DESI2: variants seen among roughly 807,000 people sequenced by gnomAD.
DESI2 encodes the protein desumoylating isopeptidase 2.
DESI2 carries 10 observed loss-of-function variants against 24.1 expected under a neutral mutation model. That is an observed-to-expected ratio of 0.41 (90% CI 0.26 to 0.70). The LOEUF (loss-of-function observed/expected upper bound fraction) is 0.70. Among genes scored for constraint, DESI2 ranks in the 30% least tolerant of loss-of-function variants. DESI2 has a pLI of 0.29. For synonymous variants in DESI2, 71 were observed against 87.7 expected (o/e 0.81, Z 1.06); for missense variants, 122 against 234.9 (o/e 0.52, Z 3.14).
intron 1 of DESI2, among the ~76,000 whole-genome samples, chr1:244,681,003 A>G (rs536202186): frequency 7.3e-5 from 11 of 150,410 alleles, no homozygotes; most frequent in African/African-American, 2.7e-4. Context: ...CTTTTTATTC[A>G]ATATGCTATA....
At chr1:244,653,630 T>C in intron 1 of DESI2, 1 of 518,712 alleles carries the variant, frequency 1.9e-6, no homozygotes. Context: ...ACCCCGGCTC[T>C]GGGCCCGACC....
At position 244,660,589 on chromosome 1, in the gene DESI2, G is replaced by A. The variant is rs555155899; in HGVS notation, c.42+7234G>A. ...ATGTCAGCCAGTTGGTTCATAAAAT[G>A]TAAAGTGAGAAACTGCCAAAATAAT... On this transcript the variant is annotated intron_variant, in intron 1 of 4. Transcript: ENST00000302550. Among the ~76,000 whole-genome samples the A allele has an allele frequency of 7.2e-5, 11 of 152,324 alleles. No individual in the cohort carries two copies. The South Asian group carries it at 8.3e-4, about 11-fold the overall frequency.
At position 244,680,432 on chromosome 1, in the gene DESI2, A is replaced by G. The variant is rs188287234; in HGVS notation, c.43-6165A>G. ...GCAACAGAGCCAAACCCTGTCTCAA[A>G]AAAAAAAAAAGACCAGGCCAGTTTT... is the stretch of plus-strand genomic sequence containing the variant. On this transcript the variant is annotated intron_variant, in intron 1 of 4. Coordinates refer to ENST00000302550, the MANE Select transcript of DESI2 (RefSeq NM_016076.5). 1.5e-3 allele frequency among the ~76,000 whole-genome samples: 229 copies of G among 151,674 alleles called. 1 individual carries two copies. Among genetic ancestry groups the G allele is most frequent in the Admixed American group, 0.013 (203 of 15,224 alleles).
At chr1:244,669,338 C>T (rs1183389049) in intron 1 of DESI2, among the ~76,000 whole-genome samples, 7 of 151,544 alleles carry the variant, frequency 4.6e-5, no homozygotes, top group African/African-American at 1.7e-4. Context: ...TTACTTTCTT[C>T]TTTTCAGAAT....
intron 4 of DESI2, among the ~76,000 whole-genome samples, chr1:244,700,325 A>G (rs1419747893): frequency 6.6e-6 from 1 of 152,180 alleles, no homozygotes; most frequent in East Asian, 1.9e-4. Flanking sequence ...AAAATTTAGC[A>G]TCGTGAATAT....
rs1675523047 is a variant in DESI2 at position 244,653,262 on chromosome 1, C to T, written c.-52C>T. 4.8e-6 allele frequency: 7 copies of T among 1,460,564 alleles called. No individual in the cohort carries two copies. The highest frequency in any genetic ancestry group is 6.3e-6 in the Non-Finnish European group (7 of 1,107,954). The allele number at this position is 1,460,564 out of a possible 1,614,324, so 90.5% of individuals were successfully genotyped here. ...CCGCGGGGGTGAGAGCGGCCTCCGG[C>T]CCCGCGGAGACGGAGCGGCTTGAGG... On this transcript the variant is annotated 5_prime_UTR_variant, in exon 1 of 5. Transcript: ENST00000302550.
chr1:244,685,330 A>G (rs905589756), intron 1 of DESI2, among the ~76,000 whole-genome samples: 2 of 152,106 alleles, frequency 1.3e-5, no homozygotes, highest in Non-Finnish European at 2.9e-5. Context: ...TGCATAATCA[A>G]TTTTGTCAAC....
intron 1 of DESI2, among the ~76,000 whole-genome samples, chr1:244,683,537 T>G (rs1676703085): frequency 6.6e-6 from 1 of 152,136 alleles, no homozygotes; most frequent in African/African-American, 2.4e-5. Context: ...GGTCTTGATC[T>G]CCTGACCTTG....
rs369761228 is a variant in DESI2, at chr1:244,654,690, G to A, written c.42+1335G>A. 2.3e-4 allele frequency among the ~76,000 whole-genome samples: 35 copies of A among 152,334 alleles called. No individual in the cohort carries two copies. The East Asian group carries it at 6.0e-3, about 26-fold the overall frequency. On this transcript the variant is annotated intron_variant, in intron 1 of 4. Transcript: ENST00000302550. Reference sequence around the variant, plus strand: ...TGGCACTTTGTAAGTTCTGTGGCCTGTGTCACTGGTTGAGAAATAATTCTC... The same window carrying A: ...TGGCACTTTGTAAGTTCTGTGGCCTATGTCACTGGTTGAGAAATAATTCTC...
chr1:244,669,146 C>T (rs1676148650), intron 1 of DESI2, among the ~76,000 whole-genome samples: 1 of 151,946 alleles, frequency 6.6e-6, no homozygotes. Context: ...GGACTATGCA[C>T]CGCCACACCC....
intron 4 of DESI2, 35 bp downstream of exon 4, chr1:244,692,055 A>G: frequency 6.5e-7 from 1 of 1,541,440 alleles, no homozygotes; most frequent in Non-Finnish European, 8.8e-7. Flanking sequence ...TTCTTCAAAT[A>G]AATATTTGCT....
intron 1 of DESI2, among the ~76,000 whole-genome samples, chr1:244,679,402 TGAAG>T (rs1676523296): frequency 1.3e-5 from 2 of 152,236 alleles, no homozygotes; most frequent in African/African-American, 4.8e-5. Flanking sequence ...CCCAAAAAGT[TGAAG>T]GAAGAGTACA....
rs77983426 is a variant in DESI2 at position 244,698,348 on chromosome 1, C to T, written c.351+6328C>T. 2.9e-3 allele frequency among the ~76,000 whole-genome samples: 444 copies of T among 152,282 alleles called. 1 individual carries two copies. The highest frequency in any genetic ancestry group is 0.02 in the Middle Eastern group (6 of 294). ...GAGCCTCTGGAAAAAGGAAGACATA[C>T]ACTTCTAAACATTTTTAAAGCAGTT... On this transcript the variant is annotated intron_variant, in intron 4 of 4. Transcript: ENST00000302550.
Position 244,653,322 on chromosome 1 carries a change from T to G in DESI2, c.9T>G (p.Ala3=). Residue 3 remains alanine (A), a synonymous_variant, in exon 1 of 5, where the codon GCT becomes GCG. Transcript: ENST00000302550. ...CGGCCGCGGGGAGGAGGATGGGGGCTAACCAGTTAGTGGTGCTCAACGTGT... is the reference window on the plus strand; with the variant it reads ...CGGCCGCGGGGAGGAGGATGGGGGCGAACCAGTTAGTGGTGCTCAACGTGT... MG[A]NQLVVLNVYD... is the part of the protein sequence containing the mutation. 2 of 1,519,296 alleles carry G rather than the reference T, an allele frequency of 1.3e-6. No individual in the cohort carries two copies. The highest frequency in any genetic ancestry group is 1.8e-6 in the Non-Finnish European group (2 of 1,140,864). 94.1% of individuals were successfully genotyped at this position (1,519,296 alleles called of 1,614,324 possible).
intron 4 of DESI2, among the ~76,000 whole-genome samples, chr1:244,701,835 T>C (rs1325187709): frequency 1.3e-5 from 2 of 152,256 alleles, no homozygotes; most frequent in African/African-American, 4.8e-5. Flanking sequence ...ATAGTCTTCC[T>C]TGTGTGGATG....
In DESI2 at chr1:244,708,949, A is replaced by G. The variant is rs973942566; in HGVS notation, c.*3160A>G. On this transcript the variant is annotated 3_prime_UTR_variant, in exon 5 of 5. Coordinates refer to ENST00000302550, the MANE Select transcript of DESI2 (RefSeq NM_016076.5). ...TTATATCAAAATACCAGGAATCTTC[A>G]CTTTTGCTACCTTGATATAGCATTG... The G allele has an allele frequency of 1.3e-5, 2 of 152,590 alleles. No homozygotes were observed. The highest frequency in any genetic ancestry group is 2.4e-5 in the African/African-American group (1 of 41,456). The allele number at this position is 152,590 out of a possible 1,614,324, so 9.5% of individuals were successfully genotyped here.
At chr1:244,703,575 T>G (rs1677565349) in intron 4 of DESI2, among the ~76,000 whole-genome samples, 1 of 151,862 alleles carries the variant, frequency 6.6e-6, no homozygotes. Flanking sequence ...GGTCTTGAAC[T>G]CCTGGTCTCA....
Position 244,705,749 on chromosome 1 carries a change from C to G in DESI2, c.545C>G (p.Thr182Ser), listed in dbSNP as rs202196473. 3 of 1,613,230 alleles carry G rather than the reference C, an allele frequency of 1.9e-6. No individual in the cohort carries two copies. The highest frequency in any genetic ancestry group is 2.5e-6 in the Non-Finnish European group (3 of 1,180,032). ...GCCGCATCCGCTTCCGTGGCAAGCA[C>G]TGCAGCAGGCTCCAGACCCGGGCGC... Reference protein sequence around the residue: ...DAAASASVASTAAGSRPGRHT... With the variant: ...DAAASASVASSAAGSRPGRHT... Residue 182 changes from threonine (T) to serine (S), a missense_variant, in exon 5 of 5, where the codon ACT becomes AGT. Around this residue, in one of 6 missense-constraint regions of DESI2, gnomAD observed 56 missense variants for 67.9 expected, o/e 0.82. Coordinates refer to ENST00000302550, the MANE Select transcript of DESI2 (RefSeq NM_016076.5).
At chr1:244,685,653 C>A (rs1163070313) in intron 1 of DESI2, among the ~76,000 whole-genome samples, 1 of 152,132 alleles carries the variant, frequency 6.6e-6, no homozygotes, top group African/African-American at 2.4e-5. Flanking sequence ...GTGTGTAGGT[C>A]TGAGAAAGAC....
Sources: allele counts gnomAD v4.1 joint callset (sites outside exome capture counted in the v4.1 genomes callset), GRCh38; gene constraint gnomAD v4.1.1; regional missense constraint gnomAD v4.1.1; transcripts MANE v1.5; gene names NCBI Gene and HGNC (gene_info 2026-07-23, HGNC 2026-07-21).